Variants in ELMO1 observed in about 807,000 individuals in gnomAD.
The protein encoded by ELMO1 is engulfment and cell motility 1.
In ELMO1, 26 loss-of-function variants were observed where a neutral mutation model predicts 98.9. The ratio of observed to expected loss-of-function variants is 0.26; its 90% CI spans 0.19 to 0.36. The LOEUF (loss-of-function observed/expected upper bound fraction) is 0.36, where lower values mean the gene tolerates loss of function less well. ELMO1 is among the 10% of genes least tolerant of loss of function. The pLI is 1.00. For synonymous variants in ELMO1, 346 were observed against 346.0 expected, an observed-to-expected ratio of 1.00 and a Z score of 0.00; for missense variants, 627 against 935.2, an observed-to-expected ratio of 0.67 and a Z score of 4.30.
chr7:36,900,203 C>T (rs951087850), intron 16 of ELMO1, among the ~76,000 whole-genome samples: 5 of 152,202 alleles, frequency 3.3e-5, no homozygotes, highest in Non-Finnish European at 7.3e-5. Context: ...ATATCCAGCA[C>T]CCCTTCTGAG....
chr7:37,014,165 T>TCTC (rs151136717), intron 15 of ELMO1, among the ~76,000 whole-genome samples: 113 of 150,882 alleles, frequency 7.5e-4, no homozygotes, highest in African/African-American at 1.8e-3. Flanking sequence ...TGGTCCCTAC[T>TCTC]CTCCTCCTCC....
At chr7:37,415,423 G>A (rs1400329817) in intron 1 of ELMO1, among the ~76,000 whole-genome samples, 6 of 152,174 alleles carry the variant, frequency 3.9e-5, no homozygotes, top group Non-Finnish European at 7.3e-5. Context: ...TAGTTCCAGA[G>A]TCAGAGACTA....
intron 8 of ELMO1, among the ~76,000 whole-genome samples, chr7:37,226,184 A>G (rs1220069556): frequency 2.6e-5 from 4 of 152,206 alleles, no homozygotes; most frequent in Non-Finnish European, 5.9e-5. Context: ...CAGGGGTGGG[A>G]AATAATGTGA....
chr7:37,023,516 T>C (rs181320886), intron 15 of ELMO1, among the ~76,000 whole-genome samples: 1 of 152,310 alleles, frequency 6.6e-6, no homozygotes, highest in Admixed American at 6.5e-5. Flanking sequence ...ATCACCTAAC[T>C]GCTATCAGCT....
chr7:37,413,033 A>G (rs754551258), intron 1 of ELMO1, among the ~76,000 whole-genome samples: 1 of 152,206 alleles, frequency 6.6e-6, no homozygotes, highest in Non-Finnish European at 1.5e-5. Flanking sequence ...AAATTATGAA[A>G]GAGAATAAAT....
At chr7:37,234,121 GATAA>G (rs1374808322) in intron 7 of ELMO1, among the ~76,000 whole-genome samples, 1 of 152,136 alleles carries the variant, frequency 6.6e-6, no homozygotes, top group Non-Finnish European at 1.5e-5. Context: ...ACACCTTTAT[GATAA>G]ATACTCTTTC....
rs1262433517 is a variant in ELMO1, at chr7:37,448,700, G to T, written c.-99C>A. The T allele has an allele frequency of 1.3e-5, 2 of 152,260 alleles. No homozygotes were observed. The highest frequency in any genetic ancestry group is 1.5e-5 in the Non-Finnish European group (1 of 68,098). The allele number at this position is 152,260 out of a possible 1,614,324, so 9.4% of individuals were successfully genotyped here. On this transcript the variant is annotated 5_prime_UTR_variant, in exon 1 of 22. Coordinates refer to ENST00000310758, the MANE Select transcript of ELMO1 (RefSeq NM_014800.11). ...CTGCTTGGGGTCGCAGGACAGCAGC[G>T]GCAAGGGTTCCCGGCGATCAGAGCT...
chr7:36,958,208 TTCTC>T (rs1248598590), intron 16 of ELMO1, among the ~76,000 whole-genome samples: 8 of 152,300 alleles, frequency 5.3e-5, no homozygotes, highest in Middle Eastern at 3.4e-3. Context: ...CCAGTACCTC[TTCTC>T]TCTATCATAT....
At chr7:37,327,495 G>T (rs1315270133) in intron 2 of ELMO1, among the ~76,000 whole-genome samples, 1 of 152,208 alleles carries the variant, frequency 6.6e-6, no homozygotes, top group Admixed American at 6.5e-5. Flanking sequence ...GACTATGAAG[G>T]TTTATCAATG....
chr7:37,414,029 G>A (rs1231379634), intron 1 of ELMO1, among the ~76,000 whole-genome samples: 1 of 148,472 alleles, frequency 6.7e-6, no homozygotes, highest in Admixed American at 6.8e-5. Context: ...AAGTGAAAAG[G>A]TATATGACAG....
At chr7:36,982,100 T>G (rs886082295) in intron 16 of ELMO1, among the ~76,000 whole-genome samples, 2 of 152,242 alleles carry the variant, frequency 1.3e-5, no homozygotes, top group Admixed American at 1.3e-4. Context: ...TTATTTAATT[T>G]TAGCTCATTT....
rs540601774 is a variant in ELMO1, at chr7:37,372,431, T to G, written c.-73-29668A>C. On this transcript the variant is annotated intron_variant, in intron 1 of 21. Transcript: ENST00000310758. ...TCATAGGGTTGCTGTGATGATTAAA[T>G]GATTACAATGAGTCCCTGGTATATA... is the stretch of plus-strand genomic sequence containing the variant. Among the ~76,000 whole-genome samples the G allele has an allele frequency of 5.9e-5, 9 of 152,306 alleles. No homozygotes were observed. In the South Asian group the frequency reaches 1.9e-3, roughly 32 times the overall value.
chr7:37,296,747 C>T (rs1334400406), intron 4 of ELMO1, among the ~76,000 whole-genome samples: 1 of 152,214 alleles, frequency 6.6e-6, no homozygotes, highest in Non-Finnish European at 1.5e-5. Flanking sequence ...TCTCAGGAAT[C>T]TTTCCAGATA....
At chr7:36,951,471 T>G (rs1787960287) in intron 16 of ELMO1, among the ~76,000 whole-genome samples, 1 of 152,176 alleles carries the variant, frequency 6.6e-6, no homozygotes, top group Non-Finnish European at 1.5e-5. Context: ...ACCTACCTCC[T>G]TCCCATCACG....
intron 13 of ELMO1, among the ~76,000 whole-genome samples, chr7:37,174,011 T>G (rs568865735): frequency 1.3e-5 from 2 of 152,378 alleles, no homozygotes; most frequent in South Asian, 4.1e-4. Context: ...TGAAGATCAC[T>G]GATACTCAGC....
At chr7:37,068,151 C>T (rs2129221819) in intron 15 of ELMO1, among the ~76,000 whole-genome samples, 1 of 152,242 alleles carries the variant, frequency 6.6e-6, no homozygotes, top group African/African-American at 2.4e-5. Context: ...AGTTCACATG[C>T]CTCATCCCTT....
intron 16 of ELMO1, chr7:37,001,961 C>T (rs888451714): frequency 1.5e-4 from 23 of 152,158 alleles, no homozygotes; most frequent in Middle Eastern, 3.2e-3. Flanking sequence ...GAAAGGTTTC[C>T]AAGCTGGGAG....
At chr7:37,440,087 T>C (rs28597682) in intron 1 of ELMO1, among the ~76,000 whole-genome samples, 4 of 151,924 alleles carry the variant, frequency 2.6e-5, no homozygotes, top group African/African-American at 9.7e-5. Flanking sequence ...CCAAAATTTC[T>C]GAGTAGTGGT....
intron 16 of ELMO1, among the ~76,000 whole-genome samples, chr7:36,975,394 C>A (rs191793512): frequency 1.2e-3 from 176 of 152,012 alleles, no homozygotes; most frequent in Non-Finnish European, 1.8e-3. Flanking sequence ...ATTGCTTGAA[C>A]CTGGGAGGCG....
Sources: allele counts gnomAD v4.1 joint callset (sites outside exome capture counted in the v4.1 genomes callset), GRCh38; gene constraint gnomAD v4.1.1; transcripts MANE v1.5; gene names NCBI Gene and HGNC (gene_info 2026-07-23, HGNC 2026-07-21).